Variants in ADPRHL1 observed in about 807,000 individuals in gnomAD.
ADPRHL1 encodes the protein inactive ADP-ribosyltransferase ARH2.
Under a neutral mutation model 44.1 loss-of-function variants are expected in ADPRHL1, and 43 were observed. The observed-to-expected ratio is 0.98, with a 90% CI of 0.76 to 1.26. The LOEUF (loss-of-function observed/expected upper bound fraction) is 1.26. Ranked by LOEUF, ADPRHL1 falls within the 50% of genes most tolerant of loss-of-function variation. The pLI is 0.00. For synonymous variants in ADPRHL1, 878 were observed against 1,017.4 expected, an observed-to-expected ratio of 0.86 and a Z score of 2.61; for missense variants, 2,022 against 2,496.9, an observed-to-expected ratio of 0.81 and a Z score of 4.05.
chr13:113,428,663 G>A (rs1046365580), intron 4 of ADPRHL1, among the ~76,000 whole-genome samples: 1 of 152,246 alleles, frequency 6.6e-6, no homozygotes. Context: ...CGCGGGCTGG[G>A]GTGGACGGGG....
chr13:113,447,169 TTG>T (rs1491005932), intron 1 of ADPRHL1, among the ~76,000 whole-genome samples: 2 of 116,030 alleles, frequency 1.7e-5, no homozygotes, highest in African/African-American at 4.4e-5. Flanking sequence ...ACTCACGGTG[TTG>T]TGTGTGCATG....
chr13:113,432,570 C>A (rs936808073), intron 3 of ADPRHL1, among the ~76,000 whole-genome samples: 2 of 152,210 alleles, frequency 1.3e-5, no homozygotes, highest in Non-Finnish European at 2.9e-5. Context: ...TTCATTTTAA[C>A]GAGTTAGCAA....
chr13:113,407,687 T>G lies in ADPRHL1; in HGVS notation c.1595A>C (p.Lys532Thr). ...AREKPPVERP[K>T]AARGLLPKIM... is the part of the protein sequence containing the mutation. ...CTTCGGCAAGAGGCCCCTGGCGGCT[T>G]TGGGCCGCTCCACAGGGGGCTTCTC... is the stretch of plus-strand genomic sequence containing the variant. The change falls in exon 8 of 8, where the codon AAA (lysine) becomes ACA (threonine). Residue 532 changes from lysine (K) to threonine (T), a missense_variant. Around this residue, in one of 8 missense-constraint regions of ADPRHL1, gnomAD observed 1,221 missense variants for 1,517.8 expected, o/e 0.80. Transcript: ENST00000612156. The G allele has an allele frequency of 1.6e-6, 2 of 1,232,074 alleles. No homozygotes were observed. The highest frequency in any genetic ancestry group is 2.0e-6 in the Non-Finnish European group (2 of 988,008). 76.3% of individuals were successfully genotyped at this position (1,232,074 alleles called of 1,614,324 possible).
intron 7 of ADPRHL1, chr13:113,421,871 C>T (rs902296063): frequency 6.6e-6 from 1 of 152,238 alleles, no homozygotes; most frequent in African/African-American, 2.4e-5. Context: ...CCAACTCTGC[C>T]CAGAGGCGAG....
chr13:113,427,130 T>C (rs542426751), intron 4 of ADPRHL1, among the ~76,000 whole-genome samples: 1 of 152,324 alleles, frequency 6.6e-6, no homozygotes, highest in Non-Finnish European at 1.5e-5. Context: ...AATAAAGCTT[T>C]CTGAAGAACA....
rs1312592161 is a variant in ADPRHL1 at position 113,403,894 on chromosome 13, AG to A, written c.5387del (p.Ala1796ValfsTer14). The A allele has an allele frequency of 8.1e-7, 1 of 1,239,830 alleles. No homozygotes were observed. Among genetic ancestry groups the A allele is most frequent in the South Asian group, 3.4e-5 (1 of 29,730 alleles). The allele number at this position is 1,239,830 out of a possible 1,614,324, so 76.8% of individuals were successfully genotyped here. A position where few individuals can be genotyped will look rare whatever the true frequency, so the allele number is the denominator to read the frequency against. On this transcript the variant is annotated frameshift_variant, in exon 8 of 8. Transcript: ENST00000612156. LOFTEE classifies it low-confidence loss of function (END_TRUNC). ...GACCCTGTTCCCAAGCCCGTTCCTG[AG>A]CCCCTTTCTGGGTCTGCCTCTGAGT... ...IETQRQTQKG[A>X]QERAWEQGRE...
intron 4 of ADPRHL1, among the ~76,000 whole-genome samples, chr13:113,426,265 G>A (rs1268653048): frequency 6.6e-6 from 1 of 152,182 alleles, no homozygotes; most frequent in African/African-American, 2.4e-5. Flanking sequence ...CCAGACCCGG[G>A]CCCACTGCCC....
At position 113,400,135 on chromosome 13, in the gene ADPRHL1, CTTTTCTTTTCTTCTTT is replaced by C; in HGVS notation, c.*3227_*3242del. ...TAAAATAAATATCCTGTTTTCTTTT[CTTTTCTTTTCTTCTTT>C]TTTTTTTTTTTTTTGACGGAGTCTC... On this transcript the variant is annotated 3_prime_UTR_variant, in exon 8 of 8. Coordinates refer to ENST00000612156, the MANE Select transcript of ADPRHL1 (RefSeq NM_001394807.1). The C allele has an allele frequency of 2.1e-5, 3 of 141,444 alleles. No homozygotes were observed. Among genetic ancestry groups the C allele is most frequent in the African/African-American group, 8.4e-5 (3 of 35,632 alleles). The allele number at this position is 141,444 out of a possible 1,614,324, so 8.8% of individuals were successfully genotyped here. A position where few individuals can be genotyped will look rare whatever the true frequency, so the allele number is the denominator to read the frequency against.
At chr13:113,410,680 C>G (rs1360527763) in intron 7 of ADPRHL1, among the ~76,000 whole-genome samples, 1 of 151,232 alleles carries the variant, frequency 6.6e-6, no homozygotes, top group Non-Finnish European at 1.5e-5. Flanking sequence ...CCAGAACTGC[C>G]CCAGCCAGAG....
rs1220218204 is a variant in ADPRHL1, at chr13:113,407,134, G to T, written c.2148C>A (p.Val716=). 2 of 1,232,156 alleles carry T rather than the reference G, an allele frequency of 1.6e-6. No individual in the cohort carries two copies. Among genetic ancestry groups the T allele is most frequent in the Admixed American group, 8.4e-5 (2 of 23,710 alleles). 76.3% of individuals were successfully genotyped at this position (1,232,156 alleles called of 1,614,324 possible). Residue 716 remains valine, a synonymous_variant, in exon 8 of 8, where the codon GTC becomes GTA. Transcript: ENST00000612156. ...AFSCAPCTGG[V]LPGLVPASSP... ...ATGATGCAGGCACAAGGCCAGGAAG[G>T]ACTCCACCTGTGCAGGGAGCACAAG... is the stretch of plus-strand genomic sequence containing the variant.
intron 2 of ADPRHL1, 69 bp from the exon 3 acceptor site, chr13:113,433,936 C>A: frequency 6.9e-7 from 1 of 1,454,838 alleles, no homozygotes; most frequent in Non-Finnish European, 9.1e-7. Context: ...ATCTAGCTTT[C>A]ATGAATAATT....
At position 113,409,594 on chromosome 13, in the gene ADPRHL1, A is replaced by G; in HGVS notation, c.1062-1374T>C. The G allele has an allele frequency of 4.1e-6, 4 of 985,390 alleles. No homozygotes were observed. In the South Asian group the frequency reaches 1.9e-4, roughly 46 times the overall value. The allele number at this position is 985,390 out of a possible 1,614,324, so 61.0% of individuals were successfully genotyped here. A position where few individuals can be genotyped will look rare whatever the true frequency, so the allele number is the denominator to read the frequency against. On this transcript the variant is annotated intron_variant, in intron 7 of 7. Transcript: ENST00000612156. The surrounding 1 kb of genome is among the most constrained non-coding windows in gnomAD (Gnocchi z 4.2). ...GCTCACTCTAACCCGATTGTTTTTA[A>G]GAAGCTGAGGCCGGGCGCCGTGGCT...
chr13:113,421,925 G>A (rs1278109084), intron 7 of ADPRHL1: 1 of 152,232 alleles, frequency 6.6e-6, no homozygotes, highest in Admixed American at 6.5e-5. Context: ...CTAGCCAAGC[G>A]GCCAAGCACA....
At position 113,407,791 on chromosome 13, in the gene ADPRHL1, G is replaced by A. The variant is rs994061223; in HGVS notation, c.1491C>T (p.Ala497=). 17 of 1,231,926 alleles carry A rather than the reference G, an allele frequency of 1.4e-5. No individual in the cohort carries two copies. Among genetic ancestry groups the A allele is most frequent in the Middle Eastern group, 3.1e-4 (1 of 3,230 alleles). 76.3% of individuals were successfully genotyped at this position (1,231,926 alleles called of 1,614,324 possible). The change falls in exon 8 of 8, where the codon GCC becomes GCT. Residue 497 remains alanine, a synonymous_variant. Coordinates refer to ENST00000612156, the MANE Select transcript of ADPRHL1 (RefSeq NM_001394807.1). The part of the protein sequence containing the change: ...LSEKPRWGHP[A]GKSTVKNILK... Reference sequence around the variant, plus strand: ...GGATGTTTTTCACGGTGCTCTTCCCGGCCGGGTGGCCCCAGCGGGGCTTCT... The same window carrying A: ...GGATGTTTTTCACGGTGCTCTTCCCAGCCGGGTGGCCCCAGCGGGGCTTCT...
In ADPRHL1 at chr13:113,424,333, C is replaced by A. The variant is rs751493419; in HGVS notation, c.791G>T (p.Ser264Ile). The A allele has an allele frequency of 1.2e-6, 2 of 1,612,790 alleles. No individual in the cohort carries two copies. The highest frequency in any genetic ancestry group is 2.2e-5 in the South Asian group (2 of 91,084). The change falls in exon 6 of 8, where the codon AGC (serine) becomes ATC (isoleucine). Residue 264 changes from serine (S) to isoleucine (I), a missense_variant. This residue lies in a region of ADPRHL1 where 437 missense variants were observed against 430.7 expected (regional missense o/e 1.01). Coordinates refer to ENST00000612156, the MANE Select transcript of ADPRHL1 (RefSeq NM_001394807.1). Reference sequence around the variant, plus strand: ...TCGTCTTCCCCCTCGACCTTCCGAGCTCCACTTCCTGTAGGTCTGACAAGA... The same window carrying A: ...TCGTCTTCCCCCTCGACCTTCCGAGATCCACTTCCTGTAGGTCTGACAAGA... The part of the protein sequence containing the change: ...EEREKTYRKW[S>I]SEGRGGRRGH...
intron 3 of ADPRHL1, among the ~76,000 whole-genome samples, chr13:113,432,522 G>A (rs2139631432): frequency 6.6e-6 from 1 of 152,342 alleles, no homozygotes; most frequent in South Asian, 2.1e-4. Context: ...CTCAGCATCT[G>A]ACTCTGGCCC....
intron 2 of ADPRHL1, among the ~76,000 whole-genome samples, chr13:113,442,319 T>C (rs933937575): frequency 2.6e-5 from 4 of 152,144 alleles, no homozygotes; most frequent in African/African-American, 9.7e-5. Context: ...GGCAAGCGTG[T>C]TGGCACGCAT....
At chr13:113,444,222 G>C (rs3814257) in intron 2 of ADPRHL1, among the ~76,000 whole-genome samples, 25,435 of 151,878 alleles carry the variant, frequency 0.17, 2,224 homozygotes, top group Middle Eastern at 0.27. Flanking sequence ...TGACCAGGAG[G>C]GGCCCCTGCC....
Position 113,406,546 on chromosome 13 carries a change from G to A in ADPRHL1, c.2736C>T (p.Leu912=). 2 of 1,232,064 alleles carry A rather than the reference G, an allele frequency of 1.6e-6. No individual in the cohort carries two copies. The highest frequency in any genetic ancestry group is 2.0e-6 in the Non-Finnish European group (2 of 987,994). The allele number at this position is 1,232,064 out of a possible 1,614,324, so 76.3% of individuals were successfully genotyped here. The part of the protein sequence containing the change: ...LSKLSGMQAG[L]SASSPQGPRA... Reference sequence around the variant, plus strand: ...GTGGCCCCTGCGGCGAAGAGGCGCTGAGTCCCGCCTGCATCCCTGAAAGCT... The same window carrying A: ...GTGGCCCCTGCGGCGAAGAGGCGCTAAGTCCCGCCTGCATCCCTGAAAGCT... The change falls in exon 8 of 8, where the codon CTC becomes CTT. Residue 912 remains leucine, a synonymous_variant. Transcript: ENST00000612156.
Sources: gnomAD v4.1 joint callset for allele counts (sites outside exome capture counted in the v4.1 genomes callset) on GRCh38, gnomAD v4.1.1 for gene constraint, gnomAD v4.1.1 regional missense constraint, Gnocchi (gnomAD v3.1) non-coding constraint, MANE v1.5 for transcripts, NCBI Gene and HGNC (gene_info 2026-07-23, HGNC 2026-07-21) for gene names.